The following BRSK1 variants were observed in gnomAD, a reference collection of about 807,000 sequenced individuals.
BRSK1 encodes serine/threonine-protein kinase BRSK1.
A neutral mutation model predicts 86.2 loss-of-function variants in BRSK1; 17 were observed. The ratio of observed to expected loss-of-function variants is 0.20; its 90% CI spans 0.14 to 0.30. The LOEUF (loss-of-function observed/expected upper bound fraction) is 0.30. Ranked by LOEUF, BRSK1 falls within the 10% of genes least tolerant of loss-of-function variation. The pLI, the probability that BRSK1 is intolerant of heterozygous loss-of-function variation, is 1.00. For synonymous variants in BRSK1, 464 were observed against 440.1 expected, an observed-to-expected ratio of 1.05 and a Z score of -0.68; for missense variants, 719 against 1,071.9, an observed-to-expected ratio of 0.67 and a Z score of 4.60.
In BRSK1 at chr19:55,312,533, C is replaced by CAAAAAAAAAAA. The variant is rs372052269; in HGVS notation, c.*484_*494dup. On this transcript the variant is annotated 3_prime_UTR_variant, in exon 19 of 19. Coordinates refer to ENST00000309383, the MANE Select transcript of BRSK1 (RefSeq NM_032430.2). ...TCCGTGTCTCTGATTCCGCCGGCGG[C>CAAAAAAAAAAA]AAAAAAAAAAAAAAAAAAAAAAAAA... 2.1e-3 allele frequency: 55 copies of CAAAAAAAAAAA among 25,710 alleles called. No individual in the cohort carries two copies. Among genetic ancestry groups the CAAAAAAAAAAA allele is most frequent in the Middle Eastern group, 0.11 (2 of 18 alleles). 1.6% of individuals were successfully genotyped at this position (25,710 alleles called of 1,614,324 possible).
rs563311423 is a variant in BRSK1 at position 55,307,988 on chromosome 19, T to C, written c.2090-651T>C. Among the ~76,000 whole-genome samples the C allele has an allele frequency of 2.0e-5, 3 of 150,430 alleles. No individual in the cohort carries two copies. In the South Asian group the frequency reaches 6.3e-4, roughly 32 times the overall value. On this transcript the variant is annotated intron_variant, in intron 17 of 18. Coordinates refer to ENST00000309383, the MANE Select transcript of BRSK1 (RefSeq NM_032430.2). Reference sequence around the variant, plus strand: ...AAGAAAAAGAAAAGACTTTCTCCGATTTCTTTTTCTTTTTTTTTGTTGTTG... The same window carrying C: ...AAGAAAAAGAAAAGACTTTCTCCGACTTCTTTTTCTTTTTTTTTGTTGTTG...
Position 55,302,924 on chromosome 19 carries a change from C to G in BRSK1, c.1028+57C>G. ...CCACGTGGGGCGAGCTGCAGCAGCTCCCTGCGCACATGCAGAGTGCTGGGC... is the reference window on the plus strand; with the variant it reads ...CCACGTGGGGCGAGCTGCAGCAGCTGCCTGCGCACATGCAGAGTGCTGGGC... On this transcript the variant is annotated intron_variant, in intron 10 of 18. Transcript: ENST00000309383. This position sits in a 1 kb window ranked among gnomAD's most constrained non-coding sequence, Gnocchi z 6.3. 1 of 1,575,172 alleles carries G rather than the reference C, an allele frequency of 6.3e-7. No homozygotes were observed. Among genetic ancestry groups the G allele is most frequent in the Non-Finnish European group, 8.7e-7 (1 of 1,155,166 alleles).
chr19:55,308,025 T>G (rs1300157486), intron 17 of BRSK1, among the ~76,000 whole-genome samples: 2 of 96,918 alleles, frequency 2.1e-5, no homozygotes, highest in Non-Finnish European at 3.8e-5. Flanking sequence ...TGTTGTTTGG[T>G]TTTTTTTTTT....
At chr19:55,288,414 C>T (rs1317685577) in intron 3 of BRSK1, among the ~76,000 whole-genome samples, 1 of 142,364 alleles carries the variant, frequency 7.0e-6, no homozygotes, top group Non-Finnish European at 1.5e-5. Context: ...GCAGAGGCTG[C>T]AGTGAGCCAA....
At chr19:55,305,254 G>C in intron 14 of BRSK1, 67 bp from the exon 15 acceptor site, 1 of 1,590,834 alleles carries the variant, frequency 6.3e-7, no homozygotes, top group Non-Finnish European at 8.6e-7. Flanking sequence ...GGCGAGTGCA[G>C]GCCTGTGTGC....
chr19:55,304,430 T>G lies in BRSK1; in HGVS notation c.1348-121T>G. Reference sequence around the variant, plus strand: ...CTCTGGGGCCTGGGAAGGAGGATACTTGGACTACAAGTTGCAGCATGCACC... The same window carrying G: ...CTCTGGGGCCTGGGAAGGAGGATACGTGGACTACAAGTTGCAGCATGCACC... On this transcript the variant is annotated intron_variant, in intron 13 of 18. Coordinates refer to ENST00000309383, the MANE Select transcript of BRSK1 (RefSeq NM_032430.2). The surrounding 1 kb of genome is among the most constrained non-coding windows in gnomAD (Gnocchi z 5.2). 1.6e-6 allele frequency: 2 copies of G among 1,222,984 alleles called. No individual in the cohort carries two copies. Among genetic ancestry groups the G allele is most frequent in the East Asian group, 2.6e-5 (1 of 38,626 alleles). The allele number at this position is 1,222,984 out of a possible 1,614,324, so 75.8% of individuals were successfully genotyped here.
intron 1 of BRSK1, among the ~76,000 whole-genome samples, chr19:55,286,062 TG>T (rs2088308377): frequency 1.5e-5 from 1 of 65,096 alleles, no homozygotes; most frequent in African/African-American, 6.9e-5. Flanking sequence ...GTGCTGGGTC[TG>T]AGGGAGGAGG....
At chr19:55,305,005 C>G in intron 14 of BRSK1, 85 bp downstream of exon 14, 1 of 1,558,714 alleles carries the variant, frequency 6.4e-7, no homozygotes, top group Non-Finnish European at 8.6e-7. Context: ...TCTGGCGTGT[C>G]TAGAGAGGAA....
At position 55,288,512 on chromosome 19, in the gene BRSK1, CA is replaced by C. The variant is rs757940800; in HGVS notation, c.318-959del. 3.5e-5 allele frequency among the ~76,000 whole-genome samples: 5 copies of C among 144,138 alleles called. No homozygotes were observed. The East Asian group carries it at 6.1e-4, about 17-fold the overall frequency. 94.6% of individuals were successfully genotyped at this position (144,138 alleles called of 152,430 possible). A position where few individuals can be genotyped will look rare whatever the true frequency, so the allele number is the denominator to read the frequency against. ...AAAAAACTCCAAACAACAACAACAACAAAAAAAAATGGTTGATGGAAACTGG... is the reference window on the plus strand; with the variant it reads ...AAAAAACTCCAAACAACAACAACAACAAAAAAAATGGTTGATGGAAACTGG... On this transcript the variant is annotated intron_variant, in intron 3 of 18. Transcript: ENST00000309383.
rs1255873035 is a variant in BRSK1 at position 55,303,824 on chromosome 19, G to C, written c.1284G>C (p.Gln428His). Residue 428 changes from glutamine (Q) to histidine (H), a missense_variant and splice_region_variant, in exon 12 of 19, where the codon CAG becomes CAC. This residue lies in a region of BRSK1 where 168 missense variants were observed against 246.3 expected (regional missense o/e 0.68). Coordinates refer to ENST00000309383, the MANE Select transcript of BRSK1 (RefSeq NM_032430.2). The surrounding 1 kb of genome is among the most constrained non-coding windows in gnomAD (Gnocchi z 5.1). ...RRALEMAQHS[Q>H]RSRSVSGAST... is the part of the protein sequence containing the mutation. ...CCTTGGAGATGGCCCAGCACAGCCA[G>C]AGGTGGGAGCCCCTGTCCCTCCAGG... The C allele has an allele frequency of 1.3e-6, 2 of 1,569,862 alleles. No homozygotes were observed. Among genetic ancestry groups the C allele is most frequent in the Non-Finnish European group, 1.7e-6 (2 of 1,157,988 alleles).
chr19:55,298,706 C>A (rs1269820004), intron 7 of BRSK1, among the ~76,000 whole-genome samples: 1 of 152,222 alleles, frequency 6.6e-6, no homozygotes, highest in Admixed American at 6.5e-5. Context: ...AACAATCCCC[C>A]TTTCACCACC....
rs538813916 is a variant in BRSK1 at position 55,286,725 on chromosome 19, C to A, written c.137-282C>A. ...GGAAAGAATGCGTGGCAGGCGGGCT[C>A]CCCAGGACGGAGAGGGTGAGGGCCA... On this transcript the variant is annotated intron_variant, in intron 1 of 18. Transcript: ENST00000309383. Among the ~76,000 whole-genome samples the A allele has an allele frequency of 5.9e-5, 9 of 151,370 alleles. No individual in the cohort carries two copies. The South Asian group carries it at 1.9e-3, about 32-fold the overall frequency.
Position 55,287,283 on chromosome 19 carries a change from G to C in BRSK1, c.301G>C (p.Glu101Gln). 1 of 1,614,014 alleles carries C rather than the reference G, an allele frequency of 6.2e-7. No homozygotes were observed. The highest frequency in any genetic ancestry group is 8.5e-7 in the Non-Finnish European group (1 of 1,179,954). Residue 101 changes from glutamate (E) to glutamine (Q), a missense_variant, in exon 3 of 19, where the codon GAG (glutamate) becomes CAG (glutamine). Glu to Gln is a conservative substitution (Grantham distance 29). Transcript: ENST00000309383. This position sits in a 1 kb window ranked among gnomAD's most constrained non-coding sequence, Gnocchi z 5.3. ...TGTCCTCAAGCTCCACGACGTCTAC[G>C]AGAACAAGAAATATTTGTAGGTATT... ...PHVLKLHDVY[E>Q]NKKYLYLVLE...
chr19:55,289,700 C>A, intron 4 of BRSK1, 80 bp downstream of exon 4: 1 of 1,537,514 alleles, frequency 6.5e-7, no homozygotes, highest in Non-Finnish European at 8.8e-7. Context: ...GAGGGCTGAG[C>A]AAAAGCCATG....
intron 4 of BRSK1, among the ~76,000 whole-genome samples, chr19:55,291,685 G>A (rs1000914655): frequency 6.6e-6 from 1 of 152,130 alleles, no homozygotes; most frequent in African/African-American, 2.4e-5. Context: ...AGATGGGGTG[G>A]GGATCACGGT....
chr19:55,289,974 C>T (rs540059688), intron 4 of BRSK1, among the ~76,000 whole-genome samples: 208 of 152,062 alleles, frequency 1.4e-3, no homozygotes, highest in Middle Eastern at 3.4e-3. Flanking sequence ...TGGAATCATA[C>T]GATACATGGC....
At chr19:55,308,490 T>C in intron 17 of BRSK1, 149 bp from the exon 18 acceptor site, 1 of 638,406 alleles carries the variant, frequency 1.6e-6, no homozygotes. Context: ...TTGCAAACCG[T>C]GGATTGATGT....
In BRSK1 at chr19:55,287,615, A is replaced by G. The variant is rs1193198001; in HGVS notation, c.317+316A>G. Among the ~76,000 whole-genome samples, 1 of 152,250 alleles carries G rather than the reference A, an allele frequency of 6.6e-6. No homozygotes were observed. The highest frequency in any genetic ancestry group is 2.4e-5 in the African/African-American group (1 of 41,472). The stretch of plus-strand genomic sequence containing the variant: ...AGCAGGGTGCCCTCGACCAGACCCA[A>G]TCTGCTATGGGCAGATGCCTCCTGT... On this transcript the variant is annotated intron_variant, in intron 3 of 18. Transcript: ENST00000309383. The surrounding 1 kb of genome is among the most constrained non-coding windows in gnomAD (Gnocchi z 5.3).
rs2088277562 is a variant in BRSK1 at position 55,284,415 on chromosome 19, G to A, written c.-28G>A. The A allele has an allele frequency of 1.1e-5, 13 of 1,174,044 alleles. No homozygotes were observed. The highest frequency in any genetic ancestry group is 8.5e-5 in the Admixed American group (2 of 23,558). The allele number at this position is 1,174,044 out of a possible 1,614,324, so 72.7% of individuals were successfully genotyped here. ...ACGGCCGCAGGGGGGGCGGCCGGGG[G>A]ACCGGTCGGGCCGGGACCAAGGGCA... On this transcript the variant is annotated 5_prime_UTR_variant, in exon 1 of 19. Transcript: ENST00000309383.
Sources: allele counts gnomAD v4.1 joint callset (sites outside exome capture counted in the v4.1 genomes callset), GRCh38; gene constraint gnomAD v4.1.1; regional missense constraint gnomAD v4.1.1; non-coding constraint Gnocchi (gnomAD v3.1); transcripts MANE v1.5; gene names NCBI Gene and HGNC (gene_info 2026-07-23, HGNC 2026-07-21).